NELFE: variants seen among roughly 807,000 people sequenced by gnomAD.
NELFE encodes the protein negative elongation factor E.
NELFE carries 26 observed loss-of-function variants against 55.5 expected under a neutral mutation model. The observed-to-expected ratio is 0.47, with a 90% confidence interval of 0.34 to 0.65. NELFE has a LOEUF of 0.65. NELFE is among the 30% of genes least tolerant of loss of function. The pLI is 0.01. For synonymous variants in NELFE, 162 were observed against 178.0 expected (o/e 0.91, Z 0.72); for missense variants, 403 against 506.9 (o/e 0.80, Z 1.97).
Position 31,954,070 on chromosome 6 carries a change from A to G in NELFE, c.942+10T>C, listed in dbSNP as rs1048024443. On this transcript the variant is annotated intron_variant, in intron 9 of 10. Transcript: ENST00000375429. This position sits in a 1 kb window ranked among gnomAD's most constrained non-coding sequence, Gnocchi z 5.5. ...AAGCGATGGGAAGAACAGATTTGGG[A>G]AGTTCCAACCTCAGCAACGGCCTGA... The G allele has an allele frequency of 3.7e-6, 6 of 1,613,096 alleles. No homozygotes were observed. The highest frequency in any genetic ancestry group is 5.1e-6 in the Non-Finnish European group (6 of 1,179,752).
chr6:31,952,135 C>T lies in NELFE; in HGVS notation c.*166G>A, dbSNP rs2151789503. 6.6e-7 allele frequency: 1 copy of T among 1,513,854 alleles called. No homozygotes were observed. The highest frequency in any genetic ancestry group is 9.1e-7 in the Non-Finnish European group (1 of 1,095,306). 93.8% of individuals were successfully genotyped at this position (1,513,854 alleles called of 1,614,324 possible). ...AAGGGAGTGGGGAACAGGCACTGGCCATGTTGTTACACTGAGATCAAACCT... is the reference window on the plus strand; with the variant it reads ...AAGGGAGTGGGGAACAGGCACTGGCTATGTTGTTACACTGAGATCAAACCT... On this transcript the variant is annotated 3_prime_UTR_variant, in exon 11 of 11. Transcript: ENST00000375429.
chr6:31,954,761 G>A lies in NELFE; in HGVS notation c.536C>T (p.Ser179Leu), dbSNP rs1341150654. ...GYEERSGAHS[S>L]ASPPRSRSRD... ...GCTGCGGCTTCGGGGAGGGGAGGCTGAGGAGTGGGCACCACTGCGTTCTTC... is the reference window on the plus strand; with the variant it reads ...GCTGCGGCTTCGGGGAGGGGAGGCTAAGGAGTGGGCACCACTGCGTTCTTC... Residue 179 changes from serine (S) to leucine (L), a missense_variant, in exon 7 of 11, where the codon TCA becomes TTA. Transcript: ENST00000375429. The surrounding 1 kb of genome is among the most constrained non-coding windows in gnomAD (Gnocchi z 5.5). 1.2e-6 allele frequency: 2 copies of A among 1,613,220 alleles called. No individual in the cohort carries two copies. The highest frequency in any genetic ancestry group is 1.3e-5 in the African/African-American group (1 of 75,050).
intron 4 of NELFE, among the ~76,000 whole-genome samples, chr6:31,955,901 C>G: frequency 6.6e-6 from 1 of 152,020 alleles, no homozygotes; most frequent in Non-Finnish European, 1.5e-5. Context: ...TCCTCAGTAA[C>G]TGGGACTATA....
At chr6:31,955,337 C>G (rs773438144) in intron 4 of NELFE, 44 bp from the exon 5 acceptor site, 1 of 1,457,168 alleles carries the variant, frequency 6.9e-7, no homozygotes, top group Non-Finnish European at 9.3e-7. Context: ...CAGGAGGTTG[C>G]CCAACCATGG....
chr6:31,955,513 A>G (rs1246972310), intron 4 of NELFE, among the ~76,000 whole-genome samples: 1 of 150,608 alleles, frequency 6.6e-6, no homozygotes, highest in South Asian at 2.1e-4. Context: ...CAATAGAGCA[A>G]TCGTAGCTTG....
intron 4 of NELFE, 33 bp downstream of exon 4, chr6:31,956,660 T>C: frequency 6.4e-7 from 1 of 1,569,936 alleles, no homozygotes; most frequent in Non-Finnish European, 8.7e-7. Flanking sequence ...CTTGGAGGGA[T>C]GCCCTTTAAA....
rs757120794 is a variant in NELFE, at chr6:31,954,089, G to C, written c.933C>G (p.Ala311=). ...TYEKMESADQ[A]VAELNGTQVE... ...TTTGGGAAGTTCCAACCTCAGCAAC[G>C]GCCTGATCTGCTGACTCCATCTTTT... Residue 311 remains alanine (A), a synonymous_variant, in exon 9 of 11, where the codon GCC becomes GCG. Transcript: ENST00000375429. This position sits in a 1 kb window ranked among gnomAD's most constrained non-coding sequence, Gnocchi z 5.5. The C allele has an allele frequency of 1.2e-6, 2 of 1,613,670 alleles. No individual in the cohort carries two copies. Among genetic ancestry groups the C allele is most frequent in the Non-Finnish European group, 1.7e-6 (2 of 1,179,938 alleles).
At chr6:31,958,221 G>A in intron 2 of NELFE, 151 bp downstream of exon 2, 1 of 710,752 alleles carries the variant, frequency 1.4e-6, no homozygotes. Context: ...ACCAAGGCTT[G>A]GGAAAGCCCA....
Position 31,958,381 on chromosome 6 carries a change from G to A in NELFE, c.66C>T (p.Leu22=), listed in dbSNP as rs148391435. The A allele has an allele frequency of 1.5e-4, 246 of 1,612,906 alleles. No individual in the cohort carries two copies. In the African/African-American group the frequency reaches 2.9e-3, roughly 19 times the overall value. The stretch of plus-strand genomic sequence containing the variant: ...ACACACAGTCCCTCACCTTTTTCTT[G>A]AGCTTGTTGAATTTCTTCTGCAGAG... ...EEALQKKFNK[L]KKKKKALLAL... Residue 22 remains leucine (L), a synonymous_variant, in exon 2 of 11, where the codon CTC becomes CTT. Transcript: ENST00000375429.
intron 2 of NELFE, chr6:31,957,581 G>A (rs1470160016): frequency 8.1e-6 from 3 of 368,824 alleles, no homozygotes; most frequent in South Asian, 2.0e-5. Context: ...AGAGGAGAAG[G>A]GTATTTTAGA....
chr6:31,954,530 T>G lies in NELFE; in HGVS notation c.742+25A>C, dbSNP rs1282929887. ...CACATAAACCTCAGTTAAGGTCACC[T>G]TGACCTCCAGCCAAAATCACTCACT... On this transcript the variant is annotated intron_variant, in intron 7 of 10. Coordinates refer to ENST00000375429, the MANE Select transcript of NELFE (RefSeq NM_002904.6). The surrounding 1 kb of genome is among the most constrained non-coding windows in gnomAD (Gnocchi z 5.5). 1 of 1,592,736 alleles carries G rather than the reference T, an allele frequency of 6.3e-7. No homozygotes were observed. The highest frequency in any genetic ancestry group is 8.6e-7 in the Non-Finnish European group (1 of 1,167,150).
chr6:31,954,906 G>A lies in NELFE; in HGVS notation c.405-14C>T. ...GAAGACACAAAGCTGGGGAGATGCAGACTGAAGATCAAAGGGGGGTTTTAC... is the reference window on the plus strand; with the variant it reads ...GAAGACACAAAGCTGGGGAGATGCAAACTGAAGATCAAAGGGGGGTTTTAC... On this transcript the variant is annotated splice_polypyrimidine_tract_variant and intron_variant, in intron 6 of 10. Transcript: ENST00000375429. The surrounding 1 kb of genome is among the most constrained non-coding windows in gnomAD (Gnocchi z 5.5). The A allele has an allele frequency of 6.4e-7, 1 of 1,570,968 alleles. No individual in the cohort carries two copies. Among genetic ancestry groups the A allele is most frequent in the African/African-American group, 1.4e-5 (1 of 73,802 alleles).
intron 2 of NELFE, chr6:31,957,440 G>A (rs1169894635): frequency 2.1e-6 from 1 of 468,796 alleles, no homozygotes; most frequent in Non-Finnish European, 4.2e-6. Flanking sequence ...TACAGTCTGA[G>A]AAATAAAATA....
chr6:31,953,789 T>C lies in NELFE; in HGVS notation c.985A>G (p.Ile329Val), dbSNP rs767762051. ...TCCAGCATGGGCTGTTTTCGGGCTATGTTGACTTTGAGCTGTACAGACTCC... is the reference window on the plus strand; with the variant it reads ...TCCAGCATGGGCTGTTTTCGGGCTACGTTGACTTTGAGCTGTACAGACTCC... ...QVESVQLKVN[I>V]ARKQPMLDAA... Residue 329 changes from isoleucine (I) to valine (V), a missense_variant, in exon 10 of 11, where the codon ATA becomes GTA. Physicochemically the swap from Ile to Val is conservative, Grantham distance 29. Coordinates refer to ENST00000375429, the MANE Select transcript of NELFE (RefSeq NM_002904.6). The C allele has an allele frequency of 8.1e-6, 13 of 1,613,038 alleles. No homozygotes were observed. The highest frequency in any genetic ancestry group is 1.0e-5 in the Non-Finnish European group (12 of 1,180,020).
At chr6:31,957,235 C>G (rs770919304) in intron 2 of NELFE, 1 of 612,078 alleles carries the variant, frequency 1.6e-6, no homozygotes, top group African/African-American at 1.8e-5. Context: ...CAGAGTGTTA[C>G]ATTTTTGAAG....
chr6:31,954,908 C>T lies in NELFE; in HGVS notation c.405-16G>A. On this transcript the variant is annotated splice_polypyrimidine_tract_variant and intron_variant, in intron 6 of 10. Transcript: ENST00000375429. This position sits in a 1 kb window ranked among gnomAD's most constrained non-coding sequence, Gnocchi z 5.5. ...AGACACAAAGCTGGGGAGATGCAGACTGAAGATCAAAGGGGGGTTTTACCT... is the reference window on the plus strand; with the variant it reads ...AGACACAAAGCTGGGGAGATGCAGATTGAAGATCAAAGGGGGGTTTTACCT... The T allele has an allele frequency of 6.4e-7, 1 of 1,571,778 alleles. No homozygotes were observed. Among genetic ancestry groups the T allele is most frequent in the Non-Finnish European group, 8.6e-7 (1 of 1,160,092 alleles).
chr6:31,954,583 T>TCGATCCCGCTCC lies in NELFE; in HGVS notation c.702_713dup (p.Glu235_Arg238dup). ...GGAAAGGACCCTCTCGGTCTCGGTC[T>TCGATCCCGCTCC]CGATCCCGCTCCCGATCCCTGTCCC... On this transcript the variant is annotated inframe_insertion, in exon 7 of 11. Coordinates refer to ENST00000375429, the MANE Select transcript of NELFE (RefSeq NM_002904.6). The surrounding 1 kb of genome is among the most constrained non-coding windows in gnomAD (Gnocchi z 5.5). The TCGATCCCGCTCC allele has an allele frequency of 6.4e-7, 1 of 1,571,070 alleles. No homozygotes were observed. The highest frequency in any genetic ancestry group is 8.6e-7 in the Non-Finnish European group (1 of 1,162,284).
rs150281579 is a variant in NELFE, at chr6:31,954,693, G to C, written c.604C>G (p.Arg202Gly). ...CGATCCCGGTCTCGATCCCGCTCCC[G>C]ATCTCGGTCTCTGTCCCGGTTCCTC... is the stretch of plus-strand genomic sequence containing the variant. ...HERNRDRDRD[R>G]ERDRDRDRDR... is the part of the protein sequence containing the mutation. Residue 202 changes from arginine (R) to glycine (G), a missense_variant, in exon 7 of 11, where the codon CGG (arginine) becomes GGG (glycine). By Grantham distance (125) the Arg-to-Gly change is moderately radical (BLOSUM62 -2). Around this residue, in one of 3 missense-constraint regions of NELFE, gnomAD observed 229 missense variants for 228.3 expected, o/e 1.00. Coordinates refer to ENST00000375429, the MANE Select transcript of NELFE (RefSeq NM_002904.6). The surrounding 1 kb of genome is among the most constrained non-coding windows in gnomAD (Gnocchi z 5.5). The C allele has an allele frequency of 3.8e-6, 6 of 1,592,318 alleles. No homozygotes were observed. The highest frequency in any genetic ancestry group is 1.1e-5 in the South Asian group (1 of 88,640).
chr6:31,952,533 G>C, intron 10 of NELFE, 135 bp from the exon 11 acceptor site: 1 of 605,620 alleles, frequency 1.7e-6, no homozygotes, highest in Non-Finnish European at 2.9e-6. Context: ...TGGTGGCCAG[G>C]ATGGCCTGTC....
Sources: allele counts gnomAD v4.1 joint callset (sites outside exome capture counted in the v4.1 genomes callset), GRCh38; gene constraint gnomAD v4.1.1; regional missense constraint gnomAD v4.1.1; non-coding constraint Gnocchi (gnomAD v3.1); transcripts MANE v1.5; gene names NCBI Gene and HGNC (gene_info 2026-07-23, HGNC 2026-07-21).